The following CRMP1 variants were observed in gnomAD, a reference collection of about 807,000 sequenced individuals.
CRMP1 encodes dihydropyrimidinase-related protein 1.
In CRMP1, 19 loss-of-function variants were observed where a neutral mutation model predicts 68.3. The observed-to-expected ratio is 0.28, with a 90% CI of 0.19 to 0.41. The LOEUF (loss-of-function observed/expected upper bound fraction) is 0.41. Among genes scored for constraint, CRMP1 ranks in the 10% least tolerant of loss-of-function variants. The probability of loss-of-function intolerance (pLI) is 1.00; values close to 1 mark genes in which losing one functional copy is unlikely to be tolerated. For missense variants in CRMP1, 791 were observed against 967.4 expected, an observed-to-expected ratio of 0.82 and a Z score of 2.42; for synonymous variants, 439 against 399.6, an observed-to-expected ratio of 1.10 and a Z score of -1.18.
intron 6 of CRMP1, among the ~76,000 whole-genome samples, chr4:5,847,563 A>AT (rs1712315192): frequency 6.6e-6 from 1 of 152,180 alleles, no homozygotes; most frequent in South Asian, 2.1e-4. Context: ...GAACTAAGGC[A>AT]CTGTTGGTTT....
At chr4:5,852,985 G>GCTGGGGCT (rs1222520781) in intron 4 of CRMP1, among the ~76,000 whole-genome samples, 1 of 152,136 alleles carries the variant, frequency 6.6e-6, no homozygotes, top group East Asian at 1.9e-4. Flanking sequence ...GGTGCAGGGG[G>GCTGGGGCT]CTGGGGCTCT....
Position 5,842,654 on chromosome 4 carries a change from A to T in CRMP1, c.1032+439T>A, listed in dbSNP as rs1037288539. 2.7e-5 allele frequency among the ~76,000 whole-genome samples: 4 copies of T among 150,164 alleles called. No individual in the cohort carries two copies. In the East Asian group the frequency reaches 5.8e-4, roughly 22 times the overall value. On this transcript the variant is annotated intron_variant, in intron 7 of 13. Transcript: ENST00000324989. The surrounding 1 kb of genome is among the most constrained non-coding windows in gnomAD (Gnocchi z 4.5). Reference sequence around the variant, plus strand: ...CACACACACGCACTGTCTCTCTCACACACACACACTAACATACACACACTC... The same window carrying T: ...CACACACACGCACTGTCTCTCTCACTCACACACACTAACATACACACACTC...
rs545469555 is a variant in CRMP1 at position 5,880,363 on chromosome 4, G to A, written c.381+12226C>T. Among the ~76,000 whole-genome samples the A allele has an allele frequency of 3.3e-5, 5 of 152,308 alleles. No homozygotes were observed. In the South Asian group the frequency reaches 1.0e-3, roughly 32 times the overall value. Reference sequence around the variant, plus strand: ...TTGCTGAGATTTTATTAGACCTTAAGCCCTAAGGGTCTATGGATATGGTAT... The same window carrying A: ...TTGCTGAGATTTTATTAGACCTTAAACCCTAAGGGTCTATGGATATGGTAT... On this transcript the variant is annotated intron_variant, in intron 1 of 13. Coordinates refer to ENST00000324989, the MANE Select transcript of CRMP1 (RefSeq NM_001014809.3).
chr4:5,825,387 CT>C lies in CRMP1; in HGVS notation c.1969+106del, dbSNP rs1719387687. 1 of 1,467,304 alleles carries C rather than the reference CT, an allele frequency of 6.8e-7. No individual in the cohort carries two copies. Among genetic ancestry groups the C allele is most frequent in the African/African-American group, 1.5e-5 (1 of 68,584 alleles). The allele number at this position is 1,467,304 out of a possible 1,614,324, so 90.9% of individuals were successfully genotyped here. On this transcript the variant is annotated intron_variant, in intron 13 of 13. Coordinates refer to ENST00000324989, the MANE Select transcript of CRMP1 (RefSeq NM_001014809.3). This position sits in a 1 kb window ranked among gnomAD's most constrained non-coding sequence, Gnocchi z 4.4. ...GTGGGGCACACTCCCTTCCCTGCTTCTTCATCTAGTGTCCAAGGCCACGTGT... is the reference window on the plus strand; with the variant it reads ...GTGGGGCACACTCCCTTCCCTGCTTCTCATCTAGTGTCCAAGGCCACGTGT...
chr4:5,856,327 A>T lies in CRMP1; in HGVS notation c.656-20T>A, dbSNP rs1454854377. The T allele has an allele frequency of 6.2e-7, 1 of 1,610,896 alleles. No individual in the cohort carries two copies. Among genetic ancestry groups the T allele is most frequent in the Non-Finnish European group, 8.5e-7 (1 of 1,178,008 alleles). Reference sequence around the variant, plus strand: ...GGTCAACTGGGACAGAGAAATATGCATCATGATGCTTCAGACTCAAGTGTT... The same window carrying T: ...GGTCAACTGGGACAGAGAAATATGCTTCATGATGCTTCAGACTCAAGTGTT... On this transcript the variant is annotated intron_variant, in intron 3 of 13. Transcript: ENST00000324989.
intron 11 of CRMP1, among the ~76,000 whole-genome samples, chr4:5,829,642 G>C (rs2152455701): frequency 6.6e-6 from 1 of 152,192 alleles, no homozygotes; most frequent in African/African-American, 2.4e-5. Flanking sequence ...ATGAATAACT[G>C]TCTGACATAT....
At chr4:5,832,195 A>G (rs909659763) in intron 11 of CRMP1, among the ~76,000 whole-genome samples, 9 of 152,230 alleles carry the variant, frequency 5.9e-5, no homozygotes, top group Admixed American at 2.6e-4. Flanking sequence ...CTGATTGTTC[A>G]TGGGTACAGG....
chr4:5,840,470 A>C (rs917950892), intron 8 of CRMP1, among the ~76,000 whole-genome samples: 19 of 152,108 alleles, frequency 1.2e-4, no homozygotes, highest in African/African-American at 4.1e-4. Flanking sequence ...CCAGTAGGAG[A>C]GGCAGCTGCA....
chr4:5,891,175 T>TACACACACACACACAC lies in CRMP1; in HGVS notation c.381+1398_381+1413dup, dbSNP rs58583102. ...TGATCACCCCACCACCACACACACA[T>TACACACACACACACAC]ACACACACACACACACACACACACA... On this transcript the variant is annotated intron_variant, in intron 1 of 13. Coordinates refer to ENST00000324989, the MANE Select transcript of CRMP1 (RefSeq NM_001014809.3). The surrounding 1 kb of genome is among the most constrained non-coding windows in gnomAD (Gnocchi z 5.2). 6.5e-3 allele frequency among the ~76,000 whole-genome samples: 854 copies of TACACACACACACACAC among 132,024 alleles called. 17 individuals are homozygous for TACACACACACACACAC. Among genetic ancestry groups the TACACACACACACACAC allele is most frequent in the Non-Finnish European group, 8.4e-3 (527 of 62,762 alleles). The allele number at this position is 132,024 out of a possible 152,430, so 86.6% of individuals were successfully genotyped here.
chr4:5,865,751 T>A lies in CRMP1; in HGVS notation c.470+917A>T, dbSNP rs991534780. Among the ~76,000 whole-genome samples the A allele has an allele frequency of 6.6e-6, 1 of 151,994 alleles. No homozygotes were observed. Among genetic ancestry groups the A allele is most frequent in the African/African-American group, 2.4e-5 (1 of 41,368 alleles). On this transcript the variant is annotated intron_variant, in intron 2 of 13. Transcript: ENST00000324989. The surrounding 1 kb of genome is among the most constrained non-coding windows in gnomAD (Gnocchi z 4.1). ...GGACTACCTTTAGCGACAGGGCCTT[T>A]AAGGAGGTGATTAAGGTTGTTAAGG...
In CRMP1 at chr4:5,853,304, T is replaced by C. The variant is rs943553303; in HGVS notation, c.821-1835A>G. On this transcript the variant is annotated intron_variant, in intron 4 of 13. Coordinates refer to ENST00000324989, the MANE Select transcript of CRMP1 (RefSeq NM_001014809.3). The surrounding 1 kb of genome is among the most constrained non-coding windows in gnomAD (Gnocchi z 4.7). Reference sequence around the variant, plus strand: ...GGCAGGTGCCTGTAATCCAAGCTACTTGGGAGGCTGAGGGGGAAGAATCAC... The same window carrying C: ...GGCAGGTGCCTGTAATCCAAGCTACCTGGGAGGCTGAGGGGGAAGAATCAC... Among the ~76,000 whole-genome samples the C allele has an allele frequency of 6.6e-6, 1 of 152,036 alleles. No individual in the cohort carries two copies. Among genetic ancestry groups the C allele is most frequent in the Non-Finnish European group, 1.5e-5 (1 of 68,008 alleles).
intron 2 of CRMP1, among the ~76,000 whole-genome samples, chr4:5,864,715 T>G (rs1713858179): frequency 6.6e-6 from 1 of 150,436 alleles, no homozygotes; most frequent in East Asian, 2.0e-4. Flanking sequence ...GGAGGAGGAG[T>G]CGCATGAGCA....
chr4:5,827,906 G>A (rs1204261230), intron 12 of CRMP1: 5 of 461,290 alleles, frequency 1.1e-5, no homozygotes, highest in African/African-American at 1.1e-4. Flanking sequence ...CTAAAGTTAG[G>A]AATAGAGCCT....
At chr4:5,828,785 C>G in intron 11 of CRMP1, 117 bp from the exon 12 acceptor site, 10 of 1,236,286 alleles carry the variant, frequency 8.1e-6, no homozygotes, top group Non-Finnish European at 1.0e-5. Flanking sequence ...TTTTTTTTCT[C>G]TCTAAAAATA....
chr4:5,847,513 A>G (rs1712311930), intron 6 of CRMP1, among the ~76,000 whole-genome samples: 1 of 152,220 alleles, frequency 6.6e-6, no homozygotes, highest in Admixed American at 6.5e-5. Flanking sequence ...GGCTGGATGC[A>G]GTGACCTGTT....
At chr4:5,828,393 CATT>C (rs1403038486) in intron 12 of CRMP1, 93 bp downstream of exon 12, 11 of 1,493,360 alleles carry the variant, frequency 7.4e-6, no homozygotes, top group African/African-American at 7.0e-5. Flanking sequence ...AGGGCGATGA[CATT>C]ATTAACTCTG....
chr4:5,821,946 G>T lies in CRMP1; in HGVS notation c.1970-95C>A, dbSNP rs1718656271. 11 of 960,306 alleles carry T rather than the reference G, an allele frequency of 1.1e-5. No homozygotes were observed. In the East Asian group the frequency reaches 2.6e-4, roughly 23 times the overall value. The allele number at this position is 960,306 out of a possible 1,614,324, so 59.5% of individuals were successfully genotyped here. ...ATGTACTCTGCCATGCACTCCACTG[G>T]ACCCACCTTCATTCAGGGCTCAGTC... is the stretch of plus-strand genomic sequence containing the variant. On this transcript the variant is annotated intron_variant, in intron 13 of 13. Transcript: ENST00000324989. The surrounding 1 kb of genome is among the most constrained non-coding windows in gnomAD (Gnocchi z 4.4).
At chr4:5,830,754 A>G (rs1321673988) in intron 11 of CRMP1, among the ~76,000 whole-genome samples, 2 of 152,124 alleles carry the variant, frequency 1.3e-5, no homozygotes, top group African/African-American at 4.8e-5. Context: ...CCCCGGGCCC[A>G]GTCTTCCCTT....
Position 5,841,445 on chromosome 4 carries a change from C to G in CRMP1, c.1033-17G>C. 5 of 1,613,514 alleles carry G rather than the reference C, an allele frequency of 3.1e-6. No individual in the cohort carries two copies. Among genetic ancestry groups the G allele is most frequent in the Non-Finnish European group, 4.2e-6 (5 of 1,179,506 alleles). On this transcript the variant is annotated splice_polypyrimidine_tract_variant and intron_variant, in intron 7 of 13. Coordinates refer to ENST00000324989, the MANE Select transcript of CRMP1 (RefSeq NM_001014809.3). The surrounding 1 kb of genome is among the most constrained non-coding windows in gnomAD (Gnocchi z 6.9). ...GGCCTCCAGCTGAACACGGCACACA[C>G]AGTGTCACAGGAGGGAAGGCTGGTG...
Sources: gnomAD v4.1 joint callset for allele counts (sites outside exome capture counted in the v4.1 genomes callset) on GRCh38, gnomAD v4.1.1 for gene constraint, Gnocchi (gnomAD v3.1) non-coding constraint, MANE v1.5 for transcripts, NCBI Gene and HGNC (gene_info 2026-07-23, HGNC 2026-07-21) for gene names.